The following PRSS23 variants were observed in gnomAD, a reference collection of about 807,000 sequenced individuals.
PRSS23 encodes the protein serine protease 23.
Under a neutral mutation model 34.7 loss-of-function variants are expected in PRSS23, and 25 were observed. The ratio of observed to expected loss-of-function variants is 0.72; its 90% confidence interval spans 0.53 to 1.01. PRSS23 has a LOEUF of 1.01. Among genes scored for constraint, PRSS23 ranks in the 50% least tolerant of loss-of-function variants. The pLI is 0.00. For missense variants in PRSS23, 445 were observed against 475.6 expected, an observed-to-expected ratio of 0.94 and a Z score of 0.60; for synonymous variants, 176 against 186.6, an observed-to-expected ratio of 0.94 and a Z score of 0.46.
At chr11:86,888,328 G>A (rs1948819175) in intron 2 of PRSS23, among the ~76,000 whole-genome samples, 1 of 152,164 alleles carries the variant, frequency 6.6e-6, no homozygotes, top group Non-Finnish European at 1.5e-5. Flanking sequence ...CTTTTCTCCA[G>A]AGTGTAGGGA....
At chr11:86,924,574 C>T (rs1163189025) in intron 2 of PRSS23, among the ~76,000 whole-genome samples, 1 of 152,188 alleles carries the variant, frequency 6.6e-6, no homozygotes, top group East Asian at 1.9e-4. Flanking sequence ...CAATTCTTGG[C>T]TCCACCTAGC....
chr11:86,839,707 T>G (rs1293850562), intron 2 of PRSS23, among the ~76,000 whole-genome samples: 2 of 151,578 alleles, frequency 1.3e-5, no homozygotes, highest in African/African-American at 2.4e-5. Context: ...AAGAGAAAGG[T>G]CAAGCTACCC....
intron 1 of PRSS23, chr11:86,821,603 C>G (rs1948252435): frequency 3.7e-6 from 6 of 1,604,922 alleles, no homozygotes; most frequent in Non-Finnish European, 5.1e-6. Context: ...ACAGAATTCC[C>G]TTAAATGTTC....
At chr11:86,885,998 G>C (rs565056641) in intron 2 of PRSS23, among the ~76,000 whole-genome samples, 3 of 152,312 alleles carry the variant, frequency 2.0e-5, no homozygotes, top group South Asian at 4.1e-4. Flanking sequence ...GATGGTGATA[G>C]CAGGTAACAT....
intron 2 of PRSS23, among the ~76,000 whole-genome samples, chr11:86,851,093 A>C (rs1179241675): frequency 1.3e-5 from 2 of 152,222 alleles, no homozygotes; most frequent in African/African-American, 4.8e-5. Context: ...ATAAGTAGAA[A>C]GGGTGGCATT....
intron 1 of PRSS23, among the ~76,000 whole-genome samples, chr11:86,794,740 G>A (rs1030809624): frequency 2.0e-5 from 3 of 152,132 alleles, no homozygotes; most frequent in African/African-American, 2.4e-5. Context: ...AAGTGCTGTA[G>A]AGATTTGAGT....
intron 2 of PRSS23, among the ~76,000 whole-genome samples, chr11:86,848,359 G>A (rs1427169892): frequency 6.6e-6 from 1 of 152,198 alleles, no homozygotes; most frequent in East Asian, 1.9e-4. Flanking sequence ...TTGGAGGAGA[G>A]GGAAAAATTG....
At chr11:86,843,059 G>C (rs1208899285) in intron 2 of PRSS23, among the ~76,000 whole-genome samples, 4 of 152,114 alleles carry the variant, frequency 2.6e-5, no homozygotes, top group East Asian at 3.8e-4. Flanking sequence ...CATGGTACTG[G>C]TACCAAAACA....
At position 86,800,620 on chromosome 11, in the gene PRSS23, G is replaced by A. The variant is rs905954087; in HGVS notation, c.-45G>A. ...CCCACACCTGTCTGAGCGGCGCAGC[G>A]AGCCGCGGCCCGGGCGGGCTGCTCG... On this transcript the variant is annotated 5_prime_UTR_variant, in exon 1 of 2. Transcript: ENST00000280258. 1.0e-6 allele frequency: 1 copy of A among 985,146 alleles called. No individual in the cohort carries two copies. The allele number at this position is 985,146 out of a possible 1,614,324, so 61.0% of individuals were successfully genotyped here.
intron 2 of PRSS23, among the ~76,000 whole-genome samples, chr11:86,838,928 G>A (rs919790192): frequency 6.6e-6 from 1 of 152,016 alleles, no homozygotes; most frequent in African/African-American, 2.4e-5. Flanking sequence ...GAAAGGAATA[G>A]CATCAACATC....
intron 2 of PRSS23, among the ~76,000 whole-genome samples, chr11:86,826,392 G>A (rs1239129551): frequency 6.6e-5 from 10 of 152,166 alleles, no homozygotes; most frequent in African/African-American, 9.7e-5. Flanking sequence ...GAGATTTTGC[G>A]CTGAGACGAT....
intron 2 of PRSS23, among the ~76,000 whole-genome samples, chr11:86,824,814 A>G (rs960093875): frequency 1.6e-4 from 25 of 151,918 alleles, no homozygotes; most frequent in Non-Finnish European, 3.2e-4. Flanking sequence ...TGAACTCATC[A>G]TTTTTTATGG....
intron 2 of PRSS23, among the ~76,000 whole-genome samples, chr11:86,851,561 G>A (rs554197494): frequency 1.1e-4 from 16 of 152,376 alleles, no homozygotes; most frequent in Admixed American, 2.6e-4. Flanking sequence ...GAGTCTGGAC[G>A]TAGACTGCCT....
intron 1 of PRSS23, among the ~76,000 whole-genome samples, chr11:86,792,243 A>C (rs1947956222): frequency 6.6e-6 from 1 of 151,958 alleles, no homozygotes; most frequent in African/African-American, 2.4e-5. Flanking sequence ...CTTCTTTCCA[A>C]CTTCCTCCGT....
downstream of PRSS23, among the ~76,000 whole-genome samples, chr11:86,816,120 G>A (rs1013227667): frequency 2.6e-5 from 4 of 152,168 alleles, no homozygotes; most frequent in Non-Finnish European, 1.5e-5. Context: ...GTCTAGCCAA[G>A]TTGTACCAAA....
intron 2 of PRSS23, chr11:86,949,817 TA>T (rs1271136393): frequency 2.0e-5 from 3 of 152,680 alleles, no homozygotes; most frequent in African/African-American, 7.2e-5. Context: ...AAGCACCATA[TA>T]AATACTCCAG....
At chr11:86,822,603 A>G (rs1948260733) in intron 1 of PRSS23, among the ~76,000 whole-genome samples, 1 of 150,724 alleles carries the variant, frequency 6.6e-6, no homozygotes, top group South Asian at 2.1e-4. Context: ...CCTGGGCGAC[A>G]AGAGTGTGAA....
chr11:86,905,706 C>G (rs549375360), intron 2 of PRSS23, among the ~76,000 whole-genome samples: 230 of 152,256 alleles, frequency 1.5e-3, no homozygotes, highest in Non-Finnish European at 2.1e-3. Context: ...TTTACATCTG[C>G]TGAGTTTGCT....
At chr11:86,891,506 T>C (rs1948840800) in intron 2 of PRSS23, among the ~76,000 whole-genome samples, 1 of 152,196 alleles carries the variant, frequency 6.6e-6, no homozygotes, top group Non-Finnish European at 1.5e-5. Flanking sequence ...GGATTCCTGA[T>C]GTGTTCTCTG....
Sources: allele counts gnomAD v4.1 joint callset (sites outside exome capture counted in the v4.1 genomes callset), GRCh38; gene constraint gnomAD v4.1.1; transcripts MANE v1.5; gene names NCBI Gene and HGNC (gene_info 2026-07-23, HGNC 2026-07-21).